Variants in FBXL4 observed in about 807,000 individuals in gnomAD.
The protein encoded by FBXL4 is F-box/LRR-repeat protein 4.
Under a neutral mutation model 58.9 loss-of-function variants are expected in FBXL4, and 40 were observed. The ratio of observed to expected loss-of-function variants is 0.68; its 90% CI spans 0.53 to 0.88. The LOEUF (loss-of-function observed/expected upper bound fraction) is 0.88. Among genes scored for constraint, FBXL4 ranks in the 40% least tolerant of loss-of-function variants. FBXL4 has a pLI of 0.00. For synonymous variants in FBXL4, 263 were observed against 265.5 expected (o/e 0.99, Z 0.09); for missense variants, 676 against 734.4 (o/e 0.92, Z 0.92).
intron 4 of FBXL4, among the ~76,000 whole-genome samples, chr6:98,923,959 A>T (rs1003228766): frequency 6.6e-6 from 1 of 152,086 alleles, no homozygotes; most frequent in African/African-American, 2.4e-5. Flanking sequence ...TATATTGGTC[A>T]CCTTTTTTTC....
intron 3 of FBXL4, 37 bp from the exon 4 acceptor site, chr6:98,927,097 T>A: frequency 2.8e-6 from 3 of 1,079,040 alleles, no homozygotes; most frequent in Non-Finnish European, 4.0e-6. Flanking sequence ...TAAAATAATT[T>A]AAATAAGCAG....
At chr6:98,877,628 A>G (rs1582362773) in intron 8 of FBXL4, among the ~76,000 whole-genome samples, 2 of 152,308 alleles carry the variant, frequency 1.3e-5, no homozygotes, top group East Asian at 3.9e-4. Flanking sequence ...CCCCAAAAAT[A>G]TTAGACATAT....
intron 6 of FBXL4, among the ~76,000 whole-genome samples, chr6:98,900,067 T>C (rs1335500853): frequency 6.6e-6 from 1 of 152,200 alleles, no homozygotes; most frequent in Non-Finnish European, 1.5e-5. Flanking sequence ...AATATTCAAT[T>C]GCAGCTTTAC....
At chr6:98,876,796 C>T (rs9385544) in intron 8 of FBXL4, among the ~76,000 whole-genome samples, 10,970 of 152,126 alleles carry the variant, frequency 0.072, 592 homozygotes, top group East Asian at 0.28. Flanking sequence ...TCCATACAGT[C>T]CAAGGGTGGT....
chr6:98,937,037 T>C (rs1773246432), intron 1 of FBXL4, among the ~76,000 whole-genome samples: 1 of 152,162 alleles, frequency 6.6e-6, no homozygotes. Flanking sequence ...TAGGCTGGAA[T>C]AGTGGCTCAT....
chr6:98,894,215 T>A (rs1351091324), intron 7 of FBXL4, among the ~76,000 whole-genome samples: 1 of 152,218 alleles, frequency 6.6e-6, no homozygotes, highest in Non-Finnish European at 1.5e-5. Flanking sequence ...TACATCATCA[T>A]GTATGGTTAA....
At chr6:98,906,942 T>G (rs950132093) in intron 5 of FBXL4, among the ~76,000 whole-genome samples, 4 of 152,236 alleles carry the variant, frequency 2.6e-5, no homozygotes, top group Non-Finnish European at 5.9e-5. Flanking sequence ...CATTTTTTCT[T>G]ATGTTTGTTG....
In FBXL4 at chr6:98,920,298, A is replaced by T. The variant is rs926214659; in HGVS notation, c.513-2579T>A. ...CACTGACTTCCTTAACATTTCTAGCATGTTTAAACATATTAGGATTAATGT... is the reference window on the plus strand; with the variant it reads ...CACTGACTTCCTTAACATTTCTAGCTTGTTTAAACATATTAGGATTAATGT... On this transcript the variant is annotated intron_variant, in intron 4 of 9. Transcript: ENST00000369244. Among the ~76,000 whole-genome samples, 18 of 152,290 alleles carry T rather than the reference A, an allele frequency of 1.2e-4. No homozygotes were observed. In the East Asian group the frequency reaches 3.5e-3, roughly 29 times the overall value.
intron 6 of FBXL4, among the ~76,000 whole-genome samples, 167 bp from the exon 7 acceptor site, chr6:98,899,648 T>A (rs1387189326): frequency 6.6e-6 from 1 of 152,162 alleles, no homozygotes; most frequent in African/African-American, 2.4e-5. Flanking sequence ...TACTGAAATA[T>A]GAATGGTTAG....
Position 98,926,855 on chromosome 6 carries a change from G to C in FBXL4, c.134C>G (p.Ser45Cys). 2.5e-6 allele frequency: 4 copies of C among 1,614,168 alleles called. No homozygotes were observed. The highest frequency in any genetic ancestry group is 3.4e-6 in the Non-Finnish European group (4 of 1,180,026). ...HRAIESNSQT[S>C]PLNAEVVQYA... Reference sequence around the variant, plus strand: ...CTGGACTACCTCTGCATTGAGAGGGGAAGTCTGGCTGTTTGATTCTATAGC... The same window carrying C: ...CTGGACTACCTCTGCATTGAGAGGGCAAGTCTGGCTGTTTGATTCTATAGC... Residue 45 changes from serine to cysteine, a missense_variant, in exon 4 of 10, where the codon TCC becomes TGC. Ser to Cys is a moderately radical substitution (Grantham distance 112). Coordinates refer to ENST00000369244, the MANE Select transcript of FBXL4 (RefSeq NM_001278716.2).
chr6:98,901,838 G>A (rs1038258051), intron 6 of FBXL4, among the ~76,000 whole-genome samples: 1 of 152,066 alleles, frequency 6.6e-6, no homozygotes, highest in Non-Finnish European at 1.5e-5. Context: ...TCATTTGAAA[G>A]GAGAACTCAG....
chr6:98,919,064 G>A (rs1264580659), intron 4 of FBXL4, among the ~76,000 whole-genome samples: 2 of 151,808 alleles, frequency 1.3e-5, no homozygotes, highest in African/African-American at 4.8e-5. Flanking sequence ...AAAAAAAAAT[G>A]TGAAACTCAA....
intron 1 of FBXL4, among the ~76,000 whole-genome samples, chr6:98,946,215 CA>C (rs1773614965): frequency 6.6e-6 from 1 of 152,104 alleles, no homozygotes; most frequent in South Asian, 2.1e-4. Context: ...CCCAAGAATA[CA>C]CGGGAATTTA....
At chr6:98,892,798 G>A (rs1477459968) in intron 7 of FBXL4, among the ~76,000 whole-genome samples, 1 of 152,194 alleles carries the variant, frequency 6.6e-6, no homozygotes, top group Non-Finnish European at 1.5e-5. Context: ...AGGGGTCCTT[G>A]AAACTGTCGA....
At chr6:98,914,558 A>T (rs1772253859) in intron 5 of FBXL4, among the ~76,000 whole-genome samples, 1 of 152,182 alleles carries the variant, frequency 6.6e-6, no homozygotes, top group South Asian at 2.1e-4. Context: ...ACAGAACCAA[A>T]GACAAAAACC....
At chr6:98,933,630 T>A (rs1366518611) in intron 2 of FBXL4, among the ~76,000 whole-genome samples, 2 of 152,224 alleles carry the variant, frequency 1.3e-5, no homozygotes, top group Non-Finnish European at 2.9e-5. Flanking sequence ...TATTATTTGC[T>A]ATTTCTTACA....
intron 2 of FBXL4, among the ~76,000 whole-genome samples, chr6:98,930,101 T>C (rs1291027879): frequency 6.6e-6 from 1 of 152,218 alleles, no homozygotes; most frequent in Non-Finnish European, 1.5e-5. Flanking sequence ...CCTTTACTAA[T>C]GATGCATCAC....
At chr6:98,919,281 T>C (rs1335246189) in intron 4 of FBXL4, among the ~76,000 whole-genome samples, 1 of 152,132 alleles carries the variant, frequency 6.6e-6, no homozygotes, top group Non-Finnish European at 1.5e-5. Flanking sequence ...AACCACAGAA[T>C]AGGGAACTTT....
intron 4 of FBXL4, among the ~76,000 whole-genome samples, chr6:98,918,695 CTAAT>C (rs1408867099): frequency 6.6e-6 from 1 of 151,860 alleles, no homozygotes; most frequent in African/African-American, 2.4e-5. Flanking sequence ...TTCTCTATTC[CTAAT>C]TATTTACTTT....
Sources: gnomAD v4.1 joint callset for allele counts (sites outside exome capture counted in the v4.1 genomes callset) on GRCh38, gnomAD v4.1.1 for gene constraint, MANE v1.5 for transcripts, NCBI Gene and HGNC (gene_info 2026-07-23, HGNC 2026-07-21) for gene names.